PCDH15: variants seen among roughly 807,000 people sequenced by gnomAD.
PCDH15 encodes the protein protocadherin-15.
A neutral mutation model predicts 178.5 loss-of-function variants in PCDH15; 129 were observed. The observed-to-expected ratio is 0.72, with a 90% CI of 0.63 to 0.84. The LOEUF is 0.84. Among genes scored for constraint, PCDH15 ranks in the 40% least tolerant of loss-of-function variants. The pLI, the probability that PCDH15 is intolerant of heterozygous loss-of-function variation, is 0.00. For synonymous variants in PCDH15, 800 were observed against 732.0 expected (o/e 1.09, Z -1.50); for missense variants, 2,230 against 2,099.9 (o/e 1.06, Z -1.21).
intron 2 of PCDH15, among the ~76,000 whole-genome samples, chr10:55,547,457 C>T (rs2132083340): frequency 6.6e-6 from 1 of 152,076 alleles, no homozygotes. Flanking sequence ...TCCAGATTAA[C>T]AAAGGAGAGG....
intron 3 of PCDH15, among the ~76,000 whole-genome samples, chr10:54,812,437 A>T (rs1407265146): frequency 6.6e-6 from 1 of 150,450 alleles, no homozygotes; most frequent in Non-Finnish European, 1.5e-5. Flanking sequence ...CACCCAACTA[A>T]TTTTTTGTTT....
chr10:54,965,608 C>CATATATATAT (rs71461263), intron 2 of PCDH15, among the ~76,000 whole-genome samples: 26 of 141,436 alleles, frequency 1.8e-4, no homozygotes, highest in African/African-American at 5.8e-4. Context: ...AACTTTGCTT[C>CATATATATAT]ATATATATAT....
chr10:55,111,526 AC>A (rs1564807191), intron 2 of PCDH15, among the ~76,000 whole-genome samples: 1 of 151,446 alleles, frequency 6.6e-6, no homozygotes, highest in Non-Finnish European at 1.5e-5. Flanking sequence ...GTCCAGAGAT[AC>A]TATTTAAAAA....
chr10:53,809,306 A>G, intron 37 of PCDH15: 1 of 1,613,878 alleles, frequency 6.2e-7, no homozygotes, highest in Non-Finnish European at 8.5e-7. Context: ...GTGAGTTTCA[A>G]ATAATCTTTA....
At chr10:53,841,379 G>GT (rs1265201478) in intron 28 of PCDH15, among the ~76,000 whole-genome samples, 7 of 152,134 alleles carry the variant, frequency 4.6e-5, no homozygotes, top group Non-Finnish European at 7.4e-5. Flanking sequence ...ATATTTTGAG[G>GT]TTTTTTTAGG....
intron 26 of PCDH15, among the ~76,000 whole-genome samples, chr10:53,900,209 TTCTCTCTCTCTCTCTC>T (rs5785026): frequency 2.1e-5 from 3 of 144,542 alleles, no homozygotes; most frequent in Non-Finnish European, 4.5e-5. Context: ...TCTCTAAACT[TTCTCTCTCTCTCTCTC>T]TCTCTCTCCC....
chr10:54,751,898 C>G (rs1184138066), intron 1 of PCDH15, among the ~76,000 whole-genome samples: 1 of 152,090 alleles, frequency 6.6e-6, no homozygotes, highest in Admixed American at 6.6e-5. Context: ...AAAAGGGTAT[C>G]ACATTATACT....
At chr10:54,916,384 T>C (rs565322860) in intron 2 of PCDH15, among the ~76,000 whole-genome samples, 81 of 152,318 alleles carry the variant, frequency 5.3e-4, no homozygotes, top group African/African-American at 1.7e-3. Context: ...ATGTGTTAGG[T>C]GACTAGAGCA....
chr10:54,228,259 T>C (rs1041928133), intron 9 of PCDH15, among the ~76,000 whole-genome samples: 5 of 152,118 alleles, frequency 3.3e-5, no homozygotes, highest in African/African-American at 4.8e-5. Flanking sequence ...TTTACAATCA[T>C]GGTGGAAGGC....
chr10:54,818,733 T>C (rs1952988369), intron 3 of PCDH15, among the ~76,000 whole-genome samples: 1 of 151,972 alleles, frequency 6.6e-6, no homozygotes, highest in Admixed American at 6.6e-5. Flanking sequence ...TTCCATCTAC[T>C]ATCTGACTGA....
At chr10:55,317,054 A>G (rs945828410) in intron 1 of PCDH15, among the ~76,000 whole-genome samples, 1 of 152,166 alleles carries the variant, frequency 6.6e-6, no homozygotes, top group African/African-American at 2.4e-5. Context: ...AACTGGCACT[A>G]CTATTCATTG....
intron 1 of PCDH15, among the ~76,000 whole-genome samples, chr10:54,680,326 C>T (rs901781469): frequency 6.6e-6 from 1 of 152,072 alleles, no homozygotes; most frequent in African/African-American, 2.4e-5. Flanking sequence ...AAGCCTGAAG[C>T]GTAAACTTGT....
intron 3 of PCDH15, among the ~76,000 whole-genome samples, chr10:54,493,397 A>G (rs2079796284): frequency 6.6e-6 from 1 of 152,088 alleles, no homozygotes; most frequent in African/African-American, 2.4e-5. Flanking sequence ...TTTACATCAG[A>G]GTACCTTATT....
Position 53,950,905 on chromosome 10 carries a change from A to G in PCDH15, c.3122+8827T>C, listed in dbSNP as rs77638247. Among the ~76,000 whole-genome samples the G allele has an allele frequency of 3.9e-5, 6 of 152,334 alleles. No homozygotes were observed. The East Asian group carries it at 9.6e-4, about 24-fold the overall frequency. ...AATCTCTTAGTAAATATGAACATGC[A>G]GTGACAATGAGAGTATGCCTCTCAG... On this transcript the variant is annotated intron_variant, in intron 23 of 37. Transcript: ENST00000644397.
intron 2 of PCDH15, among the ~76,000 whole-genome samples, chr10:54,651,813 G>T (rs1210844133): frequency 6.6e-6 from 1 of 152,136 alleles, no homozygotes; most frequent in East Asian, 1.9e-4. Flanking sequence ...TAGTTATACA[G>T]TTCTGCCTAA....
intron 1 of PCDH15, among the ~76,000 whole-genome samples, chr10:55,289,590 T>G (rs1462344241): frequency 6.6e-6 from 1 of 152,016 alleles, no homozygotes; most frequent in Non-Finnish European, 1.5e-5. Flanking sequence ...CTTCTCAAAC[T>G]GGCATCTTAT....
At chr10:55,495,089 A>C (rs187536439) in intron 2 of PCDH15, among the ~76,000 whole-genome samples, 1 of 151,774 alleles carries the variant, frequency 6.6e-6, no homozygotes, top group South Asian at 2.1e-4. Flanking sequence ...CAAACCATAC[A>C]TAAAAGTTAG....
chr10:54,985,847 T>A (rs1839352122), intron 2 of PCDH15, among the ~76,000 whole-genome samples: 2 of 152,132 alleles, frequency 1.3e-5, no homozygotes, highest in African/African-American at 4.8e-5. Context: ...GGTTTAAAAA[T>A]AATAATAAAG....
At chr10:54,227,219 CT>C (rs1025618135) in intron 9 of PCDH15, among the ~76,000 whole-genome samples, 89 of 152,342 alleles carry the variant, frequency 5.8e-4, no homozygotes, top group African/African-American at 2.0e-3. Flanking sequence ...ATCCCTGCCC[CT>C]GAAGCAAACT....
Sources: allele counts gnomAD v4.1 joint callset (sites outside exome capture counted in the v4.1 genomes callset), GRCh38; gene constraint gnomAD v4.1.1; transcripts MANE v1.5; gene names NCBI Gene and HGNC (gene_info 2026-07-23, HGNC 2026-07-21).